The following ZFPM1 variants were observed in gnomAD, a reference collection of about 807,000 sequenced individuals.
ZFPM1 encodes zinc finger protein ZFPM1.
ZFPM1 carries 28 observed loss-of-function variants against 46.3 expected under a neutral mutation model. The ratio of observed to expected loss-of-function variants is 0.60; its 90% CI spans 0.45 to 0.83. ZFPM1 has a LOEUF of 0.83. ZFPM1 is among the 40% of genes least tolerant of loss of function. The pLI is 0.00. For missense variants in ZFPM1, 1,878 were observed against 1,432.4 expected (o/e 1.31, Z -5.02); for synonymous variants, 957 against 675.9 (o/e 1.42, Z -6.45).
At chr16:88,474,714 T>G (rs1429703690) in intron 1 of ZFPM1, among the ~76,000 whole-genome samples, 2 of 152,214 alleles carry the variant, frequency 1.3e-5, no homozygotes, top group Non-Finnish European at 2.9e-5. Flanking sequence ...TTCTCCATCC[T>G]GAACACTGTC....
intron 3 of ZFPM1, among the ~76,000 whole-genome samples, chr16:88,503,306 A>G (rs1317498144): frequency 2.7e-5 from 2 of 74,786 alleles, no homozygotes; most frequent in African/African-American, 5.6e-5. Context: ...GTGTCTGGGG[A>G]GGGGCCCACG....
chr16:88,481,910 G>A (rs1277221354), intron 1 of ZFPM1, among the ~76,000 whole-genome samples: 1 of 152,230 alleles, frequency 6.6e-6, no homozygotes, highest in Non-Finnish European at 1.5e-5. Context: ...CATGTTCACT[G>A]AGCACCTGCC....
At chr16:88,532,467 CGGA>C (rs147824507) in intron 7 of ZFPM1, 144 bp from the exon 8 acceptor site, 473 of 867,108 alleles carry the variant, frequency 5.5e-4, no homozygotes, top group Non-Finnish European at 6.9e-4. Flanking sequence ...AGACAAAAGG[CGGA>C]GGAGGAGGAG....
intron 1 of ZFPM1, among the ~76,000 whole-genome samples, chr16:88,457,135 T>A (rs1304315213): frequency 6.6e-6 from 1 of 152,246 alleles, no homozygotes; most frequent in Non-Finnish European, 1.5e-5. Context: ...CAGTGCCATC[T>A]GGCAAGGGCC....
At chr16:88,474,903 G>A (rs532627707) in intron 1 of ZFPM1, among the ~76,000 whole-genome samples, 57 of 152,318 alleles carry the variant, frequency 3.7e-4, no homozygotes, top group African/African-American at 7.2e-4. Flanking sequence ...GTCCATACTC[G>A]TTGGCCAGAT....
At chr16:88,526,784 T>A in intron 4 of ZFPM1, 30 bp from the exon 5 acceptor site, 1 of 1,491,708 alleles carries the variant, frequency 6.7e-7, no homozygotes, top group Non-Finnish European at 9.0e-7. Flanking sequence ...GACGGACCCC[T>A]CCCCACGTGT....
intron 3 of ZFPM1, among the ~76,000 whole-genome samples, chr16:88,510,177 A>G (rs1414622503): frequency 6.6e-6 from 1 of 152,148 alleles, no homozygotes; most frequent in Non-Finnish European, 1.5e-5. Context: ...CATATGGGTA[A>G]ACTGAGGCTC....
chr16:88,467,562 C>T (rs1294394355), intron 1 of ZFPM1, among the ~76,000 whole-genome samples: 5 of 152,244 alleles, frequency 3.3e-5, no homozygotes, highest in African/African-American at 2.4e-5. Flanking sequence ...TGGTGTAGAC[C>T]GCGAGACCTG....
intron 7 of ZFPM1, 131 bp from the exon 8 acceptor site, chr16:88,532,483 G>T: frequency 1.0e-6 from 1 of 968,362 alleles, no homozygotes; most frequent in Non-Finnish European, 1.5e-6. Context: ...AGGAGGAGGA[G>T]GGGTTTAAAG....
intron 3 of ZFPM1, among the ~76,000 whole-genome samples, chr16:88,490,122 C>T (rs1348859379): frequency 1.3e-5 from 2 of 151,660 alleles, no homozygotes; most frequent in African/African-American, 2.4e-5. Context: ...GGCGCGATCT[C>T]GGCTCACTGC....
At chr16:88,462,658 T>C (rs1158625577) in intron 1 of ZFPM1, among the ~76,000 whole-genome samples, 2 of 152,230 alleles carry the variant, frequency 1.3e-5, no homozygotes, top group African/African-American at 4.8e-5. Context: ...TGGGCCGCCA[T>C]GGTTGGAATC....
At position 88,533,593 on chromosome 16, in the gene ZFPM1, G is replaced by A. The variant is rs777688210; in HGVS notation, c.1635G>A (p.Lys545=). 4.0e-6 allele frequency: 6 copies of A among 1,497,890 alleles called. No individual in the cohort carries two copies. The South Asian group carries it at 7.3e-5, about 18-fold the overall frequency. 92.8% of individuals were successfully genotyped at this position (1,497,890 alleles called of 1,614,324 possible). Residue 545 remains lysine (K), a synonymous_variant, in exon 10 of 10, where the codon AAG becomes AAA. Coordinates refer to ENST00000319555, the MANE Select transcript of ZFPM1 (RefSeq NM_153813.3). ...AAPPASEILA[K]MSELVHSRLQ... ...CCCCCGCCTCGGAGATCCTGGCCAA[G>A]ATGTCCGAGCTGGTGCACAGCCGGC...
In ZFPM1 at chr16:88,497,956, G is replaced by A. The variant is rs1910031662; in HGVS notation, c.268+8803G>A. On this transcript the variant is annotated intron_variant, in intron 3 of 9. Coordinates refer to ENST00000319555, the MANE Select transcript of ZFPM1 (RefSeq NM_153813.3). The surrounding 1 kb of genome is among the most constrained non-coding windows in gnomAD (Gnocchi z 5.4). ...TGGACAGCAGGGAGATGGGCCGATA[G>A]GCGACTGGCTCCCTCCCCACCCGGT... Among the ~76,000 whole-genome samples, 1 of 152,222 alleles carries A rather than the reference G, an allele frequency of 6.6e-6. No individual in the cohort carries two copies. Among genetic ancestry groups the A allele is most frequent in the Admixed American group, 6.5e-5 (1 of 15,286 alleles).
chr16:88,458,925 C>G (rs980134703), intron 1 of ZFPM1, among the ~76,000 whole-genome samples: 1 of 152,198 alleles, frequency 6.6e-6, no homozygotes, highest in African/African-American at 2.4e-5. Context: ...ACTCTGGATG[C>G]GCTGTCCTTG....
chr16:88,519,396 AGTGAGTGG>A (rs1407164553), intron 4 of ZFPM1, among the ~76,000 whole-genome samples: 6 of 136,138 alleles, frequency 4.4e-5, no homozygotes, highest in Non-Finnish European at 7.9e-5. Flanking sequence ...TGGATGGATA[AGTGAGTGG>A]GTGAATGGGT....
intron 1 of ZFPM1, among the ~76,000 whole-genome samples, chr16:88,476,736 C>T (rs1908704206): frequency 6.6e-6 from 1 of 152,172 alleles, no homozygotes; most frequent in South Asian, 2.1e-4. Flanking sequence ...GTTGTGGAAT[C>T]CAGGCTGTTG....
chr16:88,454,591 G>A (rs1282697813), intron 1 of ZFPM1, among the ~76,000 whole-genome samples: 2 of 152,246 alleles, frequency 1.3e-5, no homozygotes, highest in Admixed American at 6.5e-5. Flanking sequence ...CTGCCCCGCC[G>A]CCACATTGCC....
intron 4 of ZFPM1, chr16:88,516,228 T>G (rs1274757619): frequency 2.5e-6 from 1 of 398,510 alleles, no homozygotes; most frequent in Non-Finnish European, 4.4e-6. Context: ...CGCAAGCTCC[T>G]TAATGGTAGG....
rs1212040086 is a variant in ZFPM1, at chr16:88,471,408, C to A, written c.41-14531C>A. On this transcript the variant is annotated intron_variant, in intron 1 of 9. Transcript: ENST00000319555. This position sits in a 1 kb window ranked among gnomAD's most constrained non-coding sequence, Gnocchi z 4.1. ...ATGACCGTGCCCACAGTGGCTCCCA[C>A]GCATAGTGGGGGGGCCAAGACCCCA... 6.6e-6 allele frequency among the ~76,000 whole-genome samples: 1 copy of A among 150,904 alleles called. No individual in the cohort carries two copies. Among genetic ancestry groups the A allele is most frequent in the African/African-American group, 2.5e-5 (1 of 40,268 alleles).
Sources: gnomAD v4.1 joint callset for allele counts (sites outside exome capture counted in the v4.1 genomes callset) on GRCh38, gnomAD v4.1.1 for gene constraint, Gnocchi (gnomAD v3.1) non-coding constraint, MANE v1.5 for transcripts, NCBI Gene and HGNC (gene_info 2026-07-23, HGNC 2026-07-21) for gene names.